SLC39A11: variants seen among roughly 807,000 people sequenced by gnomAD.
SLC39A11 encodes zinc transporter ZIP11.
In SLC39A11, 33 loss-of-function variants were observed where a neutral mutation model predicts 36.1. The ratio of observed to expected loss-of-function variants is 0.91; its 90% CI spans 0.69 to 1.22. The LOEUF (loss-of-function observed/expected upper bound fraction) is 1.22, where lower values mean the gene tolerates loss of function less well. SLC39A11 is among the 50% of genes most tolerant of loss of function. The pLI is 0.00. For synonymous variants in SLC39A11, 166 were observed against 170.3 expected (o/e 0.97, Z 0.20); for missense variants, 432 against 430.3 (o/e 1.00, Z -0.03).
intron 7 of SLC39A11, among the ~76,000 whole-genome samples, chr17:72,697,400 T>C (rs977127885): frequency 6.6e-6 from 1 of 152,208 alleles, no homozygotes; most frequent in Non-Finnish European, 1.5e-5. Flanking sequence ...TTCATTTTAT[T>C]GCAAAAACTT....
At chr17:72,944,324 A>T (rs963467005) in intron 5 of SLC39A11, among the ~76,000 whole-genome samples, 1 of 152,228 alleles carries the variant, frequency 6.6e-6, no homozygotes, top group African/African-American at 2.4e-5. Flanking sequence ...AAATGGGGAA[A>T]TTAACAATTA....
At chr17:72,759,152 C>T (rs1161133592) in intron 6 of SLC39A11, among the ~76,000 whole-genome samples, 1 of 142,030 alleles carries the variant, frequency 7.0e-6, no homozygotes, top group South Asian at 2.6e-4. Context: ...AAAACAATTA[C>T]AGAAAATAAT....
chr17:72,873,767 A>G (rs8075757), intron 5 of SLC39A11, among the ~76,000 whole-genome samples: 151,119 of 152,264 alleles, frequency 0.99, 74,996 homozygotes, highest in East Asian at 1. Flanking sequence ...TTTCGCTCCC[A>G]GAAACGGTTT....
chr17:72,776,394 AGTATTGGCC>A (rs1555668585), intron 6 of SLC39A11, among the ~76,000 whole-genome samples: 1 of 152,092 alleles, frequency 6.6e-6, no homozygotes, highest in Non-Finnish European at 1.5e-5. Flanking sequence ...TACACTTTCC[AGTATTGGCC>A]TTGAATTTTT....
chr17:72,804,161 A>T (rs983886099), intron 6 of SLC39A11, among the ~76,000 whole-genome samples: 2 of 152,000 alleles, frequency 1.3e-5, no homozygotes, highest in Non-Finnish European at 2.9e-5. Flanking sequence ...ACGTCTGGTT[A>T]ATTTTTTTGT....
At chr17:73,010,191 T>C (rs1256968122) in intron 4 of SLC39A11, among the ~76,000 whole-genome samples, 2 of 151,896 alleles carry the variant, frequency 1.3e-5, no homozygotes, top group Non-Finnish European at 2.9e-5. Context: ...AGGCACAGAG[T>C]CTGGGGTGGG....
chr17:72,849,139 C>T (rs1216697566), intron 6 of SLC39A11, among the ~76,000 whole-genome samples: 1 of 152,102 alleles, frequency 6.6e-6, no homozygotes, highest in Non-Finnish European at 1.5e-5. Flanking sequence ...TCATAAAGGT[C>T]TCATCCTCAT....
chr17:72,829,092 C>G (rs887469043), intron 6 of SLC39A11, among the ~76,000 whole-genome samples: 7 of 152,160 alleles, frequency 4.6e-5, no homozygotes, highest in Admixed American at 3.9e-4. Context: ...CGGCTCACAC[C>G]TGTAATCCCA....
intron 5 of SLC39A11, among the ~76,000 whole-genome samples, chr17:72,917,017 G>A (rs564357769): frequency 3.9e-5 from 6 of 152,328 alleles, no homozygotes; most frequent in South Asian, 2.1e-4. Flanking sequence ...CAGTACAAAC[G>A]TCATGATTTA....
At chr17:72,649,330 T>G in intron 7 of SLC39A11, 62 bp from the exon 8 acceptor site, 1 of 1,493,058 alleles carries the variant, frequency 6.7e-7, no homozygotes, top group Non-Finnish European at 9.2e-7. Context: ...ACAATGGGAG[T>G]CCCTGGCCGA....
rs1567994899 is a variant in SLC39A11, at chr17:72,729,437, AT to A, written c.671+7212del. Among the ~76,000 whole-genome samples, 25 of 2,514 alleles carry A rather than the reference AT, an allele frequency of 9.9e-3. 3 individuals carry two copies. The highest frequency in any genetic ancestry group is 0.018 in the Non-Finnish European group (25 of 1,382). 1.6% of individuals were successfully genotyped at this position (2,514 alleles called of 152,430 possible). A position where few individuals can be genotyped will look rare whatever the true frequency, so the allele number is the denominator to read the frequency against. On this transcript the variant is annotated intron_variant, in intron 7 of 9. Transcript: ENST00000255559. Reference sequence around the variant, plus strand: ...TATATATATATATATATATATATATATATATATATATATATATATATTTTTT... The same window carrying A: ...TATATATATATATATATATATATATAATATATATATATATATATATTTTTT...
At chr17:73,014,656 C>T (rs2090711700) in intron 4 of SLC39A11, among the ~76,000 whole-genome samples, 1 of 152,180 alleles carries the variant, frequency 6.6e-6, no homozygotes, top group African/African-American at 2.4e-5. Context: ...AACCCTTTCA[C>T]AAAAAACCAT....
intron 7 of SLC39A11, among the ~76,000 whole-genome samples, chr17:72,672,643 A>G (rs1299558069): frequency 6.6e-6 from 1 of 152,160 alleles, no homozygotes; most frequent in African/African-American, 2.4e-5. Flanking sequence ...TTTGTCATCC[A>G]CGCTGGAGTA....
chr17:72,646,161 GC>G lies in SLC39A11; in HGVS notation c.*1422del, dbSNP rs1181606900. On this transcript the variant is annotated 3_prime_UTR_variant, in exon 10 of 10. Coordinates refer to ENST00000255559, the MANE Select transcript of SLC39A11 (RefSeq NM_139177.4). Reference sequence around the variant, plus strand: ...CTTCGGAAGAACGTACATAGACCCAGCCCAAGGTTGGCCTTTGGGGTCTGAT... The same window carrying G: ...CTTCGGAAGAACGTACATAGACCCAGCCAAGGTTGGCCTTTGGGGTCTGAT... 4 of 152,682 alleles carry G rather than the reference GC, an allele frequency of 2.6e-5. No individual in the cohort carries two copies. The highest frequency in any genetic ancestry group is 9.6e-5 in the African/African-American group (4 of 41,462). 9.5% of individuals were successfully genotyped at this position (152,682 alleles called of 1,614,324 possible).
chr17:72,916,679 G>A (rs1278679522), intron 5 of SLC39A11, among the ~76,000 whole-genome samples: 1 of 152,114 alleles, frequency 6.6e-6, no homozygotes, highest in African/African-American at 2.4e-5. Flanking sequence ...GGCCAAGTTC[G>A]AGAGATACAT....
intron 5 of SLC39A11, among the ~76,000 whole-genome samples, chr17:72,885,456 T>G (rs963387930): frequency 1.3e-5 from 2 of 152,126 alleles, no homozygotes; most frequent in African/African-American, 4.8e-5. Flanking sequence ...TCACTGAAGA[T>G]TCCAGCAGCA....
intron 6 of SLC39A11, among the ~76,000 whole-genome samples, chr17:72,812,223 C>T (rs1039919954): frequency 1.3e-5 from 2 of 152,158 alleles, no homozygotes; most frequent in African/African-American, 2.4e-5. Context: ...GAGATCCTTT[C>T]GGAGGGAAGA....
At chr17:72,647,719 T>G (rs1162187931) in intron 9 of SLC39A11, 57 bp from the exon 10 acceptor site, 12 of 1,411,070 alleles carry the variant, frequency 8.5e-6, no homozygotes, top group Non-Finnish European at 1.2e-5. Flanking sequence ...AGGCCACGGC[T>G]AGGCTGAAGG....
At chr17:72,717,524 C>T (rs906466753) in intron 7 of SLC39A11, among the ~76,000 whole-genome samples, 35 of 152,218 alleles carry the variant, frequency 2.3e-4, no homozygotes, top group African/African-American at 8.4e-4. Flanking sequence ...TCTCTGCCTC[C>T]ACTACCACAA....
Sources: gnomAD v4.1 joint callset for allele counts (sites outside exome capture counted in the v4.1 genomes callset) on GRCh38, gnomAD v4.1.1 for gene constraint, MANE v1.5 for transcripts, NCBI Gene and HGNC (gene_info 2026-07-23, HGNC 2026-07-21) for gene names.